Variants in GRIP2 observed in about 807,000 individuals in gnomAD.
The protein encoded by GRIP2 is glutamate receptor interacting protein 2, also known as glutamate receptor-interacting protein 2.
In GRIP2, 58 loss-of-function variants were observed where a neutral mutation model predicts 108.3. The observed-to-expected ratio is 0.54, with a 90% confidence interval of 0.43 to 0.67. GRIP2 has a LOEUF of 0.67. Ranked by LOEUF, GRIP2 falls within the 30% of genes least tolerant of loss-of-function variation. The pLI is 0.00. For missense variants in GRIP2, 1,278 were observed against 1,430.6 expected, an observed-to-expected ratio of 0.89 and a Z score of 1.72; for synonymous variants, 586 against 598.2, an observed-to-expected ratio of 0.98 and a Z score of 0.30.
the GRIP2 span, among the ~76,000 whole-genome samples, chr3:14,575,538 T>A: frequency 1.4e-4 from 22 of 152,342 alleles, no homozygotes; most frequent in Non-Finnish European, 2.2e-4. Context: ...CCTCTGTTGA[T>A]GCCAGTCTTC....
At chr3:14,564,489 C>CG in the GRIP2 span, among the ~76,000 whole-genome samples, 1 of 152,234 alleles carries the variant, frequency 6.6e-6, no homozygotes, top group Admixed American at 6.5e-5. Context: ...CAGAGTCAAA[C>CG]AGTGCTGGAT....
At chr3:14,547,375 G>T (rs1469319756) in intron 1 of GRIP2, among the ~76,000 whole-genome samples, 1 of 152,178 alleles carries the variant, frequency 6.6e-6, no homozygotes, top group South Asian at 2.1e-4. Context: ...AGGAATTTGG[G>T]GTGGGGATAG....
At chr3:14,515,206 T>C (rs941175291) in intron 11 of GRIP2, among the ~76,000 whole-genome samples, 1 of 152,252 alleles carries the variant, frequency 6.6e-6, no homozygotes, top group African/African-American at 2.4e-5. Context: ...TTCCATTGTA[T>C]GGATACACCA....
upstream of GRIP2, among the ~76,000 whole-genome samples, chr3:14,546,417 C>T (rs965760502): frequency 3.3e-5 from 5 of 151,938 alleles, no homozygotes; most frequent in South Asian, 2.1e-4. Context: ...CAGGATGGCA[C>T]GGGGGTGAGG....
chr3:14,563,560 G>T, the GRIP2 span, among the ~76,000 whole-genome samples: 4 of 152,030 alleles, frequency 2.6e-5, no homozygotes, highest in African/African-American at 9.7e-5. Context: ...CTGAGGATCT[G>T]GCTTTTCCTC....
chr3:14,545,297 C>A (rs1695040594), upstream of GRIP2, among the ~76,000 whole-genome samples: 1 of 152,256 alleles, frequency 6.6e-6, no homozygotes, highest in South Asian at 2.1e-4. Context: ...AAGCCACTTG[C>A]CCTTAGGCAG....
chr3:14,590,162 T>C, the GRIP2 span, among the ~76,000 whole-genome samples: 1 of 152,224 alleles, frequency 6.6e-6, no homozygotes, highest in Non-Finnish European at 1.5e-5. Context: ...GTTTTCCTAA[T>C]GCTAACAGAA....
chr3:14,547,927 CA>C (rs1337760041), intron 1 of GRIP2, among the ~76,000 whole-genome samples: 1 of 152,236 alleles, frequency 6.6e-6, no homozygotes, highest in East Asian at 1.9e-4. Context: ...TACTGGGGGC[CA>C]AGAACATTAC....
chr3:14,569,889 G>A, the GRIP2 span, among the ~76,000 whole-genome samples: 4 of 152,084 alleles, frequency 2.6e-5, no homozygotes, highest in African/African-American at 9.7e-5. Context: ...GCCAGGCCCT[G>A]TTCTAAGCAC....
At position 14,521,391 on chromosome 3, in the gene GRIP2, G is replaced by T; in HGVS notation, c.712+251C>A. 1 of 481,260 alleles carries T rather than the reference G, an allele frequency of 2.1e-6. No individual in the cohort carries two copies. Among genetic ancestry groups the T allele is most frequent in the Non-Finnish European group, 3.6e-6 (1 of 274,722 alleles). The allele number at this position is 481,260 out of a possible 1,614,324, so 29.8% of individuals were successfully genotyped here. On this transcript the variant is annotated intron_variant, in intron 7 of 23. Coordinates refer to ENST00000621039, the MANE Select transcript of GRIP2 (RefSeq NM_001080423.4). This position sits in a 1 kb window ranked among gnomAD's most constrained non-coding sequence, Gnocchi z 5.1. ...CATACACCATATCTTATCTATTCTG[G>T]ATACTGTCCTCTCTCCACCAGAATG...
upstream of GRIP2, among the ~76,000 whole-genome samples, chr3:14,560,048 T>C (rs558647715): frequency 4.0e-5 from 6 of 151,060 alleles, no homozygotes; most frequent in East Asian, 1.2e-3. Flanking sequence ...AGGCCAGGAG[T>C]TCAAGACCCG....
chr3:14,563,831 C>T, the GRIP2 span, among the ~76,000 whole-genome samples: 1 of 152,202 alleles, frequency 6.6e-6, no homozygotes, highest in Admixed American at 6.5e-5. Context: ...CTACTGAACA[C>T]TGGAGTGGAG....
At chr3:14,541,986 G>C, upstream of GRIP2, 1 of 1,352,342 alleles carries the variant, frequency 7.4e-7, no homozygotes, top group Non-Finnish European at 9.9e-7. Flanking sequence ...CAACCACGCG[G>C]GAAGGAATGC....
chr3:14,499,142 G>A lies in GRIP2; in HGVS notation c.2680-2582C>T, dbSNP rs377038629. The stretch of plus-strand genomic sequence containing the variant: ...CCCTTAGCGTGACCTCCGCATGAAG[G>A]TGGGGCCGGAATCTGCCTTCCACAA... On this transcript the variant is annotated intron_variant, in intron 21 of 23. Transcript: ENST00000621039. Among the ~76,000 whole-genome samples the A allele has an allele frequency of 3.4e-4, 52 of 152,324 alleles. 1 individual carries two copies. In the South Asian group the frequency reaches 5.8e-3, roughly 17 times the overall value.
At chr3:14,587,013 G>C in the GRIP2 span, among the ~76,000 whole-genome samples, 2 of 152,144 alleles carry the variant, frequency 1.3e-5, no homozygotes, top group African/African-American at 4.8e-5. Flanking sequence ...CCTGGGGAGG[G>C]GGCAGGTGGA....
rs370324159 is a variant in GRIP2 at position 14,520,131 on chromosome 3, G to T, written c.1009C>A (p.Pro337Thr). Residue 337 changes from proline to threonine, a missense_variant, in exon 9 of 24, where the codon CCA (proline) becomes ACA (threonine). Transcript: ENST00000621039. ...CCACCTGCCTCTGAGGGCCTCAGTGGCCGCTGACTCTGGGGCACAGGCAGG... is the reference window on the plus strand; with the variant it reads ...CCACCTGCCTCTGAGGGCCTCAGTGTCCGCTGACTCTGGGGCACAGGCAGG... Reference protein sequence around the residue: ...EILPVPQSQRPLRPSEAVKVQ... With the variant: ...EILPVPQSQRTLRPSEAVKVQ... 2 of 1,605,264 alleles carry T rather than the reference G, an allele frequency of 1.2e-6. No individual in the cohort carries two copies. The highest frequency in any genetic ancestry group is 1.1e-5 in the South Asian group (1 of 89,008).
rs1474861411 is a variant in GRIP2, at chr3:14,491,913, C to T, written c.*1752G>A. The T allele has an allele frequency of 6.6e-6, 1 of 152,270 alleles. No homozygotes were observed. The highest frequency in any genetic ancestry group is 2.4e-5 in the African/African-American group (1 of 41,442). The allele number at this position is 152,270 out of a possible 1,614,324, so 9.4% of individuals were successfully genotyped here. On this transcript the variant is annotated 3_prime_UTR_variant, in exon 24 of 24. Coordinates refer to ENST00000621039, the MANE Select transcript of GRIP2 (RefSeq NM_001080423.4). ...GTGCCCTTTCACTCTGGGCTGAGTA[C>T]ACGGGAATCCAAGATAGCAGAGGCG... is the stretch of plus-strand genomic sequence containing the variant.
chr3:14,545,962 G>A (rs1016253627), upstream of GRIP2, among the ~76,000 whole-genome samples: 4 of 152,178 alleles, frequency 2.6e-5, no homozygotes, highest in Non-Finnish European at 5.9e-5. Context: ...ACAGACAGAC[G>A]GACAGACAGA....
rs760718842 is a variant in GRIP2 at position 14,520,289 on chromosome 3, C to G, written c.861-10G>C. 3.7e-6 allele frequency: 6 copies of G among 1,612,296 alleles called. No individual in the cohort carries two copies. Among genetic ancestry groups the G allele is most frequent in the South Asian group, 1.1e-5 (1 of 90,916 alleles). On this transcript the variant is annotated splice_polypyrimidine_tract_variant and intron_variant, in intron 8 of 23. Coordinates refer to ENST00000621039, the MANE Select transcript of GRIP2 (RefSeq NM_001080423.4). ...GTGCAGGGCTCCGCTCCTGGCCAGG[C>G]AGGGGAGTGAAGGCGGAGGCTGGTC...
Sources: allele counts gnomAD v4.1 joint callset (sites outside exome capture counted in the v4.1 genomes callset), GRCh38; gene constraint gnomAD v4.1.1; non-coding constraint Gnocchi (gnomAD v3.1); transcripts MANE v1.5; gene names NCBI Gene and HGNC (gene_info 2026-07-23, HGNC 2026-07-21).